NFAT5: variants seen among roughly 807,000 people sequenced by gnomAD.
NFAT5 encodes the protein nuclear factor of activated T-cells 5.
A neutral mutation model predicts 166.5 loss-of-function variants in NFAT5; 31 were observed. That is an observed-to-expected ratio of 0.19 (90% CI 0.14 to 0.25). The LOEUF (loss-of-function observed/expected upper bound fraction) is 0.25. NFAT5 is among the 10% of genes least tolerant of loss of function. The probability of loss-of-function intolerance (pLI) is 1.00; values close to 1 mark genes in which losing one functional copy is unlikely to be tolerated. For missense variants in NFAT5, 1,449 were observed against 1,821.8 expected (o/e 0.80, Z 3.72); for synonymous variants, 612 against 639.7 (o/e 0.96, Z 0.65).
intron 3 of NFAT5, among the ~76,000 whole-genome samples, chr16:69,645,835 A>AT (rs1345260428): frequency 6.6e-6 from 1 of 152,216 alleles, no homozygotes; most frequent in Non-Finnish European, 1.5e-5. Context: ...AATGTTAGTC[A>AT]TGACAACTTC....
At chr16:69,670,410 T>C in intron 9 of NFAT5, 122 bp downstream of exon 9, 1 of 606,800 alleles carries the variant, frequency 1.6e-6, no homozygotes, top group Non-Finnish European at 2.8e-6. Flanking sequence ...TATGAATTAT[T>C]TAAAGTTTCT....
Position 69,626,472 on chromosome 16 carries a change from T to C in NFAT5, c.197T>C (p.Met66Thr). 1 of 1,597,296 alleles carries C rather than the reference T, an allele frequency of 6.3e-7. No individual in the cohort carries two copies. The highest frequency in any genetic ancestry group is 1.1e-5 in the South Asian group (1 of 87,882). ...PPSRETSVAS[M>T]SQTSGGEAGS... ...TCTAGAGAAACATCTGTAGCATCAA[T>C]GAGTCAGACAAGCGGTGGTGAGGCA... Residue 66 changes from methionine to threonine, a missense_variant, in exon 3 of 15, where the codon ATG becomes ACG. Physicochemically the swap from Met to Thr is moderately conservative, Grantham distance 81 (BLOSUM62 -1). Around this residue, in one of 7 missense-constraint regions of NFAT5, gnomAD observed 172 missense variants for 194.5 expected, o/e 0.88. Transcript: ENST00000349945.
chr16:69,701,247 G>C lies in NFAT5; in HGVS notation c.*4896G>C, dbSNP rs2037893711. The C allele has an allele frequency of 6.6e-6, 1 of 152,290 alleles. No homozygotes were observed. Among genetic ancestry groups the C allele is most frequent in the African/African-American group, 2.4e-5 (1 of 41,386 alleles). 9.4% of individuals were successfully genotyped at this position (152,290 alleles called of 1,614,324 possible). A position where few individuals can be genotyped will look rare whatever the true frequency, so the allele number is the denominator to read the frequency against. On this transcript the variant is annotated 3_prime_UTR_variant, in exon 15 of 15. Transcript: ENST00000349945. ...TTACAGGCATGAGCCACCACATCCG[G>C]CCTAATTACTTCTTTAATCCCCATT... is the stretch of plus-strand genomic sequence containing the variant.
chr16:69,606,008 C>T (rs1362051628), intron 2 of NFAT5, among the ~76,000 whole-genome samples: 2 of 152,194 alleles, frequency 1.3e-5, no homozygotes, highest in Non-Finnish European at 2.9e-5. Flanking sequence ...CCACCGCGCC[C>T]GGCCCCCTTT....
chr16:69,693,187 A>C lies in NFAT5; in HGVS notation c.3362A>C (p.Gln1121Pro). Reference protein sequence around the residue: ...FHSPNPIVHSQTSTTSSEQMQ... With the variant: ...FHSPNPIVHSPTSTTSSEQMQ... ...AGTCCAAATCCTATTGTCCACAGTC[A>C]GACTTCTACAACCTCCTCTGAACAA... Residue 1121 changes from glutamine (Q) to proline (P), a missense_variant, in exon 13 of 15, where the codon CAG becomes CCG. By Grantham distance (76) the Gln-to-Pro change is moderately conservative (BLOSUM62 -1). Transcript: ENST00000349945. 8 of 1,614,192 alleles carry C rather than the reference A, an allele frequency of 5.0e-6. No individual in the cohort carries two copies. The highest frequency in any genetic ancestry group is 6.8e-6 in the Non-Finnish European group (8 of 1,180,036).
At chr16:69,644,911 G>T (rs1421968069) in intron 3 of NFAT5, 2 of 443,080 alleles carry the variant, frequency 4.5e-6, no homozygotes, top group Admixed American at 2.5e-5. Flanking sequence ...TTCATGTTTT[G>T]TGTGTTCCAC....
At chr16:69,592,080 CTTTTTTTT>C (rs3037496) in intron 2 of NFAT5, among the ~76,000 whole-genome samples, 3 of 118,122 alleles carry the variant, frequency 2.5e-5, no homozygotes, top group Non-Finnish European at 5.0e-5. Flanking sequence ...ATTACTTTTT[CTTTTTTTT>C]TTTTTTTTTG....
intron 2 of NFAT5, among the ~76,000 whole-genome samples, chr16:69,587,046 G>A (rs1254627399): frequency 1.3e-5 from 2 of 152,030 alleles, no homozygotes; most frequent in Non-Finnish European, 2.9e-5. Context: ...GCACTGTTAG[G>A]TAGTTTAGTA....
At position 69,584,422 on chromosome 16, in the gene NFAT5, A is replaced by T. The variant is rs147744698; in HGVS notation, c.127+15874A>T. ...CGGCTCACTGCAGCCTCCGCCTCCC[A>T]GGTTCAAATGATTTTCATGCCTCAG... On this transcript the variant is annotated intron_variant, in intron 2 of 14. Coordinates refer to ENST00000349945, the MANE Select transcript of NFAT5 (RefSeq NM_138713.4). Among the ~76,000 whole-genome samples, 361 of 150,050 alleles carry T rather than the reference A, an allele frequency of 2.4e-3. 7 individuals carry two copies. The highest frequency in any genetic ancestry group is 0.02 in the East Asian group (101 of 5,076).
intron 2 of NFAT5, among the ~76,000 whole-genome samples, chr16:69,594,130 G>C (rs1341898512): frequency 1.3e-5 from 2 of 152,168 alleles, no homozygotes; most frequent in Non-Finnish European, 2.9e-5. Context: ...GTAACTTTAT[G>C]ATGGGGTATG....
intron 2 of NFAT5, among the ~76,000 whole-genome samples, chr16:69,618,444 T>C (rs2034056500): frequency 4.6e-5 from 7 of 152,318 alleles, no homozygotes; most frequent in Admixed American, 4.6e-4. Flanking sequence ...GAATATCCAG[T>C]GGACCTGCAG....
At chr16:69,624,718 T>TA (rs993217199) in intron 2 of NFAT5, among the ~76,000 whole-genome samples, 46 of 152,266 alleles carry the variant, frequency 3.0e-4, no homozygotes, top group African/African-American at 1.1e-3. Context: ...TATTGTCTCT[T>TA]ACCATGGATA....
chr16:69,656,313 G>A (rs1199412589), intron 6 of NFAT5, among the ~76,000 whole-genome samples: 1 of 151,204 alleles, frequency 6.6e-6, no homozygotes, highest in Non-Finnish European at 1.5e-5. Flanking sequence ...GAATTCCCGT[G>A]GTAAAGGCAG....
chr16:69,649,219 A>T, intron 4 of NFAT5: 6 of 958,544 alleles, frequency 6.3e-6, no homozygotes, highest in Non-Finnish European at 7.4e-6. Flanking sequence ...AAGTCTCATG[A>T]ATATCATTTA....
chr16:69,635,748 G>A (rs894447505), intron 3 of NFAT5, among the ~76,000 whole-genome samples: 22 of 152,090 alleles, frequency 1.4e-4, no homozygotes, highest in African/African-American at 5.1e-4. Flanking sequence ...CACAAGAATA[G>A]CACGGGAAAG....
At chr16:69,666,636 C>T (rs2036393093) in intron 7 of NFAT5, among the ~76,000 whole-genome samples, 1 of 152,076 alleles carries the variant, frequency 6.6e-6, no homozygotes, top group South Asian at 2.1e-4. Context: ...CATCTCACAC[C>T]AGTTAGAATG....
intron 2 of NFAT5, among the ~76,000 whole-genome samples, chr16:69,572,725 C>T (rs2016515629): frequency 6.6e-6 from 1 of 151,632 alleles, no homozygotes; most frequent in African/African-American, 2.4e-5. Flanking sequence ...TAAATATAAA[C>T]AATAGATTTA....
intron 2 of NFAT5, among the ~76,000 whole-genome samples, chr16:69,600,150 GAA>G (rs35475393): frequency 6.8e-4 from 96 of 141,828 alleles, no homozygotes; most frequent in Admixed American, 2.8e-3. Flanking sequence ...ATTTCTCTGG[GAA>G]AAAAAAAAAA....
chr16:69,674,977 A>C (rs2036774588), intron 9 of NFAT5, among the ~76,000 whole-genome samples: 1 of 152,204 alleles, frequency 6.6e-6, no homozygotes, highest in African/African-American at 2.4e-5. Flanking sequence ...TCCCTAGCTC[A>C]GTGATAGTTA....
Sources: gnomAD v4.1 joint callset for allele counts (sites outside exome capture counted in the v4.1 genomes callset) on GRCh38, gnomAD v4.1.1 for gene constraint, gnomAD v4.1.1 regional missense constraint, MANE v1.5 for transcripts, NCBI Gene and HGNC (gene_info 2026-07-23, HGNC 2026-07-21) for gene names.